The following CFAP300 variants were observed in gnomAD, a reference collection of about 807,000 sequenced individuals.
The protein encoded by CFAP300 is cilia and flagella associated protein 300.
CFAP300 carries 32 observed loss-of-function variants against 33.0 expected under a neutral mutation model. The observed-to-expected ratio is 0.97, with a 90% CI of 0.73 to 1.30. The LOEUF is 1.30. Ranked by LOEUF, CFAP300 falls within the 50% of genes most tolerant of loss-of-function variation. The pLI is 0.00. For synonymous variants in CFAP300, 102 were observed against 106.8 expected (o/e 0.95, Z 0.28); for missense variants, 356 against 318.1 (o/e 1.12, Z -0.90).
chr11:102,059,881 G>T (rs910695382), intron 3 of CFAP300, among the ~76,000 whole-genome samples: 2 of 151,668 alleles, frequency 1.3e-5, no homozygotes, highest in Non-Finnish European at 2.9e-5. Context: ...TGCCTCCTGG[G>T]TTCAAGCAAT....
At chr11:102,053,469 T>G (rs1418749456) in intron 2 of CFAP300, among the ~76,000 whole-genome samples, 1 of 152,070 alleles carries the variant, frequency 6.6e-6, no homozygotes, top group Non-Finnish European at 1.5e-5. Context: ...GAGAATCGCT[T>G]GAACCCAGGA....
intron 2 of CFAP300, among the ~76,000 whole-genome samples, chr11:102,051,935 A>G (rs904118454): frequency 2.0e-5 from 3 of 152,216 alleles, no homozygotes; most frequent in African/African-American, 7.2e-5. Context: ...TAACTAGTTT[A>G]GGAATCATCT....
At position 102,065,325 on chromosome 11, in the gene CFAP300, C is replaced by G. The variant is rs371527486; in HGVS notation, c.269-1160C>G. Among the ~76,000 whole-genome samples, 3 of 152,048 alleles carry G rather than the reference C, an allele frequency of 2.0e-5. No individual in the cohort carries two copies. The South Asian group carries it at 6.3e-4, about 32-fold the overall frequency. ...CTCGAACTCCTGGCCTGGCTGGTCT[C>G]AAACTCCTGACCTCAAGTGATCCAC... On this transcript the variant is annotated intron_variant, in intron 3 of 6. Coordinates refer to ENST00000434758, the MANE Select transcript of CFAP300 (RefSeq NM_032930.3).
At chr11:102,073,249 A>T (rs1423581625) in intron 4 of CFAP300, among the ~76,000 whole-genome samples, 1 of 152,116 alleles carries the variant, frequency 6.6e-6, no homozygotes, top group Non-Finnish European at 1.5e-5. Context: ...AGCAATACAC[A>T]CTTATATTAG....
intron 5 of CFAP300, among the ~76,000 whole-genome samples, chr11:102,078,334 T>C (rs1057369046): frequency 2.0e-5 from 3 of 152,244 alleles, no homozygotes; most frequent in African/African-American, 7.2e-5. Flanking sequence ...AAACCATTAA[T>C]ATAATTACAC....
At chr11:102,076,565 A>T (rs1942397972) in intron 5 of CFAP300, among the ~76,000 whole-genome samples, 1 of 152,192 alleles carries the variant, frequency 6.6e-6, no homozygotes, top group South Asian at 2.1e-4. Context: ...AAACCTTACA[A>T]ATTTCTTATT....
intron 3 of CFAP300, among the ~76,000 whole-genome samples, chr11:102,065,532 C>T (rs954000756): frequency 2.0e-5 from 3 of 151,796 alleles, no homozygotes; most frequent in Admixed American, 1.3e-4. Flanking sequence ...TTTGGGAAGC[C>T]GAGGCGGGCG....
At chr11:102,053,025 C>T (rs901538486) in intron 2 of CFAP300, among the ~76,000 whole-genome samples, 1 of 152,000 alleles carries the variant, frequency 6.6e-6, no homozygotes. Context: ...GTCACGAGTT[C>T]AAGACCAGCC....
intron 3 of CFAP300, among the ~76,000 whole-genome samples, chr11:102,064,229 C>T (rs1250797035): frequency 2.6e-5 from 4 of 152,184 alleles, no homozygotes; most frequent in Non-Finnish European, 5.9e-5. Flanking sequence ...AACCCTCCTT[C>T]CACTCCCCAA....
At chr11:102,047,671 G>T in intron 1 of CFAP300, 91 bp downstream of exon 1, 1 of 1,464,932 alleles carries the variant, frequency 6.8e-7, no homozygotes. Context: ...GCGCGGGTCG[G>T]CGCCATTCTG....
At chr11:102,055,249 G>A (rs1045388906) in intron 2 of CFAP300, among the ~76,000 whole-genome samples, 2 of 151,964 alleles carry the variant, frequency 1.3e-5, no homozygotes, top group Non-Finnish European at 2.9e-5. Context: ...AAAGTGCTGG[G>A]ATTACAGGTG....
In CFAP300 at chr11:102,081,151, A is replaced by G; in HGVS notation, c.609-64A>G. On this transcript the variant is annotated intron_variant, in intron 5 of 6. Transcript: ENST00000434758. ...GAACACTTAAATACTAAAAGGGATC[A>G]TTACTTAAATGTATATGCCAATGCC... is the stretch of plus-strand genomic sequence containing the variant. The G allele has an allele frequency of 3.5e-6, 4 of 1,150,616 alleles. No individual in the cohort carries two copies. In the South Asian group the frequency reaches 5.8e-5, roughly 17 times the overall value. 71.3% of individuals were successfully genotyped at this position (1,150,616 alleles called of 1,614,324 possible). A position where few individuals can be genotyped will look rare whatever the true frequency, so the allele number is the denominator to read the frequency against.
intron 2 of CFAP300, among the ~76,000 whole-genome samples, chr11:102,048,828 CA>C (rs1941926890): frequency 6.6e-6 from 1 of 151,398 alleles, no homozygotes; most frequent in Non-Finnish European, 1.5e-5. Context: ...TCTCCTCAAT[CA>C]AATGGAAAAT....
At chr11:102,047,710 C>T (rs948984822) in intron 1 of CFAP300, 105 bp from the exon 2 acceptor site, 7 of 1,480,086 alleles carry the variant, frequency 4.7e-6, no homozygotes, top group Non-Finnish European at 6.4e-6. Flanking sequence ...CTGAGTGAAC[C>T]CCGAACCACC....
intron 5 of CFAP300, 127 bp from the exon 6 acceptor site, chr11:102,081,088 A>T: frequency 3.2e-6 from 2 of 620,240 alleles, no homozygotes; most frequent in Non-Finnish European, 5.1e-6. Flanking sequence ...CAAACCACTT[A>T]GTTGGATAGT....
chr11:102,054,816 C>T lies in CFAP300; in HGVS notation c.193-4064C>T, dbSNP rs78970652. Among the ~76,000 whole-genome samples the T allele has an allele frequency of 4.3e-3, 647 of 149,980 alleles. 1 individual carries two copies. Among genetic ancestry groups the T allele is most frequent in the Non-Finnish European group, 7.5e-3 (505 of 67,716 alleles). Reference sequence around the variant, plus strand: ...CTCAAGAGGGAAAAGTGAGTGATCACTTGAAGGGAATGTTGAAAAAATGAA... The same window carrying T: ...CTCAAGAGGGAAAAGTGAGTGATCATTTGAAGGGAATGTTGAAAAAATGAA... On this transcript the variant is annotated intron_variant, in intron 2 of 6. Transcript: ENST00000434758.
intron 4 of CFAP300, among the ~76,000 whole-genome samples, chr11:102,073,045 G>A (rs1189581799): frequency 6.6e-6 from 1 of 152,128 alleles, no homozygotes; most frequent in African/African-American, 2.4e-5. Flanking sequence ...CTGTCCTTGG[G>A]CCCCTGAGCA....
At chr11:102,066,683 A>T in intron 4 of CFAP300, 32 bp downstream of exon 4, 1 of 1,559,024 alleles carries the variant, frequency 6.4e-7, no homozygotes, top group Non-Finnish European at 8.6e-7. Context: ...TTCGCAGTGG[A>T]ATTTTATTTC....
intron 2 of CFAP300, among the ~76,000 whole-genome samples, chr11:102,056,067 A>T (rs1338411067): frequency 6.6e-6 from 1 of 152,208 alleles, no homozygotes; most frequent in Non-Finnish European, 1.5e-5. Context: ...GCTATATGTT[A>T]GGCCCTGTTC....
Sources: gnomAD v4.1 joint callset for allele counts (sites outside exome capture counted in the v4.1 genomes callset) on GRCh38, gnomAD v4.1.1 for gene constraint, MANE v1.5 for transcripts, NCBI Gene and HGNC (gene_info 2026-07-23, HGNC 2026-07-21) for gene names.